The following SNX6 variants were observed in gnomAD, a reference collection of about 807,000 sequenced individuals.
SNX6 encodes the protein sorting nexin-6.
Under a neutral mutation model 63.0 loss-of-function variants are expected in SNX6, and 34 were observed. The observed-to-expected ratio is 0.54, with a 90% CI of 0.41 to 0.72. The LOEUF (loss-of-function observed/expected upper bound fraction) is 0.72. SNX6 is among the 30% of genes least tolerant of loss of function. The pLI is 0.00. For synonymous variants in SNX6, 170 were observed against 164.2 expected, an observed-to-expected ratio of 1.04 and a Z score of -0.27; for missense variants, 398 against 471.4, an observed-to-expected ratio of 0.84 and a Z score of 1.44.
intron 2 of SNX6, among the ~76,000 whole-genome samples, chr14:34,611,262 A>G (rs1348404061): frequency 6.8e-6 from 1 of 146,094 alleles, no homozygotes; most frequent in African/African-American, 2.5e-5. Flanking sequence ...GAATTGCTTG[A>G]GCTCAGGAAT....
At chr14:34,566,446 C>CA (rs1206760331) in intron 13 of SNX6, among the ~76,000 whole-genome samples, 1 of 152,112 alleles carries the variant, frequency 6.6e-6, no homozygotes, top group African/African-American at 2.4e-5. Context: ...CACCTGACCT[C>CA]AGATAATCCA....
chr14:34,610,830 G>A (rs1245818018), intron 2 of SNX6, among the ~76,000 whole-genome samples: 2 of 152,074 alleles, frequency 1.3e-5, no homozygotes, highest in African/African-American at 4.8e-5. Flanking sequence ...GAAATAGACT[G>A]TTTCAAAGAC....
chr14:34,576,123 C>T (rs1594701491), intron 10 of SNX6, among the ~76,000 whole-genome samples: 1 of 151,628 alleles, frequency 6.6e-6, no homozygotes, highest in Admixed American at 6.6e-5. Context: ...GACGGGGTTT[C>T]ACCATGTTAG....
intron 1 of SNX6, 60 bp from the exon 2 acceptor site, chr14:34,630,014 G>A (rs1002745639): frequency 2.0e-6 from 3 of 1,490,668 alleles, no homozygotes; most frequent in Non-Finnish European, 1.8e-6. Flanking sequence ...AGACACAAAG[G>A]GAGACATTAG....
At chr14:34,571,547 A>G (rs1398245116) in intron 11 of SNX6, among the ~76,000 whole-genome samples, 1 of 152,204 alleles carries the variant, frequency 6.6e-6, no homozygotes, top group Non-Finnish European at 1.5e-5. Context: ...ACTATATAAC[A>G]TTCTAGAAAA....
At chr14:34,578,458 C>T (rs1371476059) in intron 10 of SNX6, among the ~76,000 whole-genome samples, 1 of 151,460 alleles carries the variant, frequency 6.6e-6, no homozygotes, top group East Asian at 1.9e-4. Flanking sequence ...ATGGTGAAAC[C>T]CATCTCTACT....
In SNX6 at chr14:34,563,010, T is replaced by C; in HGVS notation, c.*112A>G. ...AGAAAAAGAGGAGTTGATGCACTTT[T>C]TCAGCTGCTTTTTGTTTGTTTCCAG... On this transcript the variant is annotated 3_prime_UTR_variant, in exon 14 of 14. Transcript: ENST00000362031. The C allele has an allele frequency of 9.1e-7, 1 of 1,103,020 alleles. No individual in the cohort carries two copies. Among genetic ancestry groups the C allele is most frequent in the East Asian group, 2.4e-5 (1 of 41,868 alleles). 68.3% of individuals were successfully genotyped at this position (1,103,020 alleles called of 1,614,324 possible). A position where few individuals can be genotyped will look rare whatever the true frequency, so the allele number is the denominator to read the frequency against.
At chr14:34,603,215 T>C (rs1882892510) in intron 6 of SNX6, 133 bp downstream of exon 6, 2 of 762,666 alleles carry the variant, frequency 2.6e-6, no homozygotes, top group South Asian at 3.1e-5. Flanking sequence ...GAGGCGGAGC[T>C]TGCAGTGAGC....
chr14:34,568,293 C>A (rs901568376), intron 11 of SNX6, among the ~76,000 whole-genome samples: 1 of 150,696 alleles, frequency 6.6e-6, no homozygotes, highest in Admixed American at 6.7e-5. Flanking sequence ...TGCAGTGGCG[C>A]GATCTCAGCT....
At chr14:34,610,114 C>T (rs529057737) in intron 2 of SNX6, among the ~76,000 whole-genome samples, 95 of 150,400 alleles carry the variant, frequency 6.3e-4, no homozygotes, top group African/African-American at 9.4e-4. Flanking sequence ...GAGGCTGAAG[C>T]GGGAGGACTG....
intron 11 of SNX6, chr14:34,568,959 T>G (rs2138263286): frequency 1.4e-6 from 2 of 1,387,776 alleles, no homozygotes; most frequent in East Asian, 4.6e-5. Context: ...TGGAAGCAGC[T>G]CGCGTGTACA....
intron 7 of SNX6, among the ~76,000 whole-genome samples, chr14:34,594,357 T>C (rs1882519083): frequency 7.0e-6 from 1 of 143,106 alleles, no homozygotes; most frequent in African/African-American, 3.0e-5. Flanking sequence ...AAATAAAAAT[T>C]ATTATTATTA....
chr14:34,626,076 G>A (rs1883814337), intron 2 of SNX6, among the ~76,000 whole-genome samples: 1 of 152,048 alleles, frequency 6.6e-6, no homozygotes, highest in African/African-American at 2.4e-5. Context: ...GGATACTAAA[G>A]GCTTTAGAGG....
At chr14:34,583,104 A>G (rs1882007616) in intron 9 of SNX6, among the ~76,000 whole-genome samples, 1 of 152,120 alleles carries the variant, frequency 6.6e-6, no homozygotes, top group African/African-American at 2.4e-5. Context: ...CAGGAGATCG[A>G]GACCATCCTG....
intron 2 of SNX6, among the ~76,000 whole-genome samples, chr14:34,620,760 G>A (rs928736160): frequency 1.3e-5 from 2 of 152,064 alleles, no homozygotes; most frequent in Non-Finnish European, 2.9e-5. Context: ...GGGCAACATA[G>A]CGAAACCCTG....
chr14:34,568,670 T>C, intron 11 of SNX6: 1 of 886,752 alleles, frequency 1.1e-6, no homozygotes, highest in Admixed American at 1.9e-5. Context: ...GGCAATTTAT[T>C]AACCCAGCAT....
At chr14:34,601,754 C>A (rs1882824819) in intron 6 of SNX6, among the ~76,000 whole-genome samples, 1 of 151,370 alleles carries the variant, frequency 6.6e-6, no homozygotes, top group Non-Finnish European at 1.5e-5. Context: ...ACCACCATGC[C>A]CAGATAATTT....
At chr14:34,629,711 C>T in intron 2 of SNX6, 196 bp downstream of exon 2, 1 of 918,942 alleles carries the variant, frequency 1.1e-6, no homozygotes. Context: ...CGCGGGTCCC[C>T]GGGAATCGGA....
chr14:34,564,318 G>T (rs1224124824), intron 13 of SNX6, among the ~76,000 whole-genome samples: 1 of 152,126 alleles, frequency 6.6e-6, no homozygotes, highest in Non-Finnish European at 1.5e-5. Flanking sequence ...GTGAGCCATG[G>T]CACCCAGCCT....
Sources: gnomAD v4.1 joint callset for allele counts (sites outside exome capture counted in the v4.1 genomes callset) on GRCh38, gnomAD v4.1.1 for gene constraint, MANE v1.5 for transcripts, NCBI Gene and HGNC (gene_info 2026-07-23, HGNC 2026-07-21) for gene names.